AFG2A: variants seen among roughly 807,000 people sequenced by gnomAD.
AFG2A encodes the protein ATPase family gene 2 protein homolog A.
the AFG2A span, among the ~76,000 whole-genome samples, chr4:123,195,028 C>A: frequency 6.6e-6 from 1 of 152,298 alleles, no homozygotes; most frequent in Non-Finnish European, 1.5e-5. Context: ...CATTACCCTC[C>A]TTGTTTCTTA....
chr4:123,032,127 CA>C, the AFG2A span, among the ~76,000 whole-genome samples: 1 of 152,186 alleles, frequency 6.6e-6, no homozygotes, highest in African/African-American at 2.4e-5. Context: ...CAGGGATTTT[CA>C]GCAAATAATT....
the AFG2A span, among the ~76,000 whole-genome samples, chr4:123,166,923 A>G: frequency 6.6e-6 from 1 of 152,046 alleles, no homozygotes. Context: ...TATATACTAT[A>G]TTAGTAAAAG....
chr4:123,248,590 C>T, the AFG2A span, among the ~76,000 whole-genome samples: 1 of 152,138 alleles, frequency 6.6e-6, no homozygotes. Flanking sequence ...TATCAGGTTT[C>T]TGTGCAGACA....
chr4:122,982,864 C>T, the AFG2A span, among the ~76,000 whole-genome samples: 4 of 93,746 alleles, frequency 4.3e-5, no homozygotes, highest in African/African-American at 1.3e-4. Flanking sequence ...TAATCTTCTT[C>T]TTTTTTTTTT....
the AFG2A span, among the ~76,000 whole-genome samples, chr4:123,066,356 A>G: frequency 6.6e-6 from 1 of 152,180 alleles, no homozygotes; most frequent in African/African-American, 2.4e-5. Flanking sequence ...TAAATTTTTT[A>G]ATGTGATTTT....
the AFG2A span, among the ~76,000 whole-genome samples, chr4:123,003,841 T>A: frequency 2.0e-5 from 3 of 152,186 alleles, no homozygotes; most frequent in African/African-American, 7.2e-5. Context: ...CTGAAAGCTG[T>A]CAGACAGGGA....
the AFG2A span, among the ~76,000 whole-genome samples, chr4:123,138,357 T>C: frequency 8.6e-5 from 13 of 151,310 alleles, no homozygotes; most frequent in East Asian, 1.9e-3. Context: ...ATAATAGTTA[T>C]GTTTATGACA....
the AFG2A span, among the ~76,000 whole-genome samples, chr4:123,053,847 G>A: frequency 8.5e-5 from 13 of 152,282 alleles, no homozygotes; most frequent in African/African-American, 2.6e-4. Flanking sequence ...TGCACTGGGC[G>A]GGGCTTAGAC....
the AFG2A span, among the ~76,000 whole-genome samples, chr4:122,945,846 T>C: frequency 6.6e-6 from 1 of 152,146 alleles, no homozygotes; most frequent in Non-Finnish European, 1.5e-5. Context: ...TATGTGAAAA[T>C]AATATAAAGG....
the AFG2A span, among the ~76,000 whole-genome samples, chr4:123,246,827 A>G: frequency 1.3e-5 from 2 of 152,328 alleles, no homozygotes; most frequent in South Asian, 4.1e-4. Context: ...TTCTTTGCTT[A>G]TAATATTCAT....
chr4:123,251,560 C>T, the AFG2A span, among the ~76,000 whole-genome samples: 1,317 of 152,090 alleles, frequency 8.7e-3, 25 homozygotes, highest in African/African-American at 0.03. Context: ...ATCTAATTCC[C>T]AAAATTTGGG....
chr4:123,278,352 T>TC, the AFG2A span, among the ~76,000 whole-genome samples: 1 of 152,100 alleles, frequency 6.6e-6, no homozygotes, highest in Non-Finnish European at 1.5e-5. Context: ...TCTTCTTTCT[T>TC]TTTATTAGTC....
the AFG2A span, among the ~76,000 whole-genome samples, chr4:123,243,845 G>A: frequency 2.3e-3 from 350 of 151,954 alleles, 3 homozygotes; most frequent in Middle Eastern, 0.014. Flanking sequence ...AGGGAGACCC[G>A]TCTGTCCAAA....
chr4:123,279,301 A>G, the AFG2A span, among the ~76,000 whole-genome samples: 7 of 152,188 alleles, frequency 4.6e-5, no homozygotes, highest in East Asian at 9.7e-4. Flanking sequence ...CTGTAATCCC[A>G]GCTGAGGCTG....
At chr4:123,145,901 A>AT in the AFG2A span, among the ~76,000 whole-genome samples, 3 of 152,034 alleles carry the variant, frequency 2.0e-5, no homozygotes, top group Admixed American at 6.6e-5. Flanking sequence ...TCTTTGGATT[A>AT]TTTTTTCTTT....
the AFG2A span, among the ~76,000 whole-genome samples, chr4:123,175,946 G>C: frequency 8.5e-5 from 13 of 152,314 alleles, no homozygotes; most frequent in African/African-American, 2.9e-4. Context: ...GGGTGTCTTA[G>C]CAAGAGGATG....
At chr4:123,286,974 A>G in the AFG2A span, among the ~76,000 whole-genome samples, 1 of 152,108 alleles carries the variant, frequency 6.6e-6, no homozygotes, top group Non-Finnish European at 1.5e-5. Flanking sequence ...GCCTTTATGG[A>G]TCACCAGTTT....
the AFG2A span, among the ~76,000 whole-genome samples, chr4:123,012,797 G>A: frequency 6.6e-5 from 10 of 152,272 alleles, no homozygotes; most frequent in Middle Eastern, 3.4e-3. Context: ...TAAAGAGGCC[G>A]CTTACCGACT....
At chr4:123,255,078 C>T in the AFG2A span, among the ~76,000 whole-genome samples, 2 of 152,148 alleles carry the variant, frequency 1.3e-5, no homozygotes, top group African/African-American at 2.4e-5. Flanking sequence ...ATCCTCTCAC[C>T]TTAGCCTCCT....
Sources: allele counts gnomAD v4.1 joint callset (sites outside exome capture counted in the v4.1 genomes callset), GRCh38; gene constraint gnomAD v4.1.1; transcripts MANE v1.5; gene names NCBI Gene and HGNC (gene_info 2026-07-23, HGNC 2026-07-21).